Variants in ZFP3 observed in about 807,000 individuals in gnomAD.
ZFP3 encodes ZFP3 zinc finger protein, also known as zinc finger protein 3 homolog.
In ZFP3, 18 loss-of-function variants were observed where a neutral mutation model predicts 36.7. That is an observed-to-expected ratio of 0.49 (90% CI 0.34 to 0.73). The LOEUF is 0.73. ZFP3 is among the 30% of genes least tolerant of loss of function. ZFP3 has a pLI of 0.01. For synonymous variants in ZFP3, 218 were observed against 199.0 expected, an observed-to-expected ratio of 1.10 and a Z score of -0.81; for missense variants, 495 against 599.0, an observed-to-expected ratio of 0.83 and a Z score of 1.81.
intron 1 of ZFP3, among the ~76,000 whole-genome samples, chr17:5,090,620 A>G (rs935403736): frequency 3.3e-5 from 5 of 152,140 alleles, no homozygotes; most frequent in Admixed American, 2.0e-4. Context: ...CTTGTTACTC[A>G]TTTTGCAGTT....
rs2072150589 is a variant in ZFP3 at position 5,091,679 on chromosome 17, A to T, written c.175A>T (p.Ile59Leu). The T allele has an allele frequency of 5.6e-6, 9 of 1,614,116 alleles. No homozygotes were observed. The highest frequency in any genetic ancestry group is 1.7e-5 in the Admixed American group (1 of 60,004). The change falls in exon 2 of 2, where the codon ATA becomes TTA. Residue 59 changes from isoleucine (I) to leucine (L), a missense_variant. Transcript: ENST00000318833. Reference sequence around the variant, plus strand: ...TTCGAGAGAGTCCATGGAAGAGGTTATAGAGCAGATGTCTCCTCAGGAGAG... The same window carrying T: ...TTCGAGAGAGTCCATGGAAGAGGTTTTAGAGCAGATGTCTCCTCAGGAGAG... Reference protein sequence around the residue: ...GHSRESMEEVIEQMSPQERDF... With the variant: ...GHSRESMEEVLEQMSPQERDF...
rs1164605818 is a variant in ZFP3, at chr17:5,093,984, C to T, written c.*971C>T. ...GCTGCATATATTTTTAGCCCCATCT[C>T]CTGCCACTGCTGACAGATATTGTGA... On this transcript the variant is annotated 3_prime_UTR_variant, in exon 2 of 2. Transcript: ENST00000318833. 6.0e-6 allele frequency: 1 copy of T among 167,212 alleles called. No individual in the cohort carries two copies. Among genetic ancestry groups the T allele is most frequent in the African/African-American group, 2.4e-5 (1 of 41,482 alleles). The allele number at this position is 167,212 out of a possible 1,614,324, so 10.4% of individuals were successfully genotyped here.
chr17:5,086,852 C>T (rs1470572340), intron 1 of ZFP3, among the ~76,000 whole-genome samples: 4 of 151,434 alleles, frequency 2.6e-5, no homozygotes, highest in African/African-American at 4.9e-5. Context: ...CTCAGCTTCC[C>T]GAGTAGCTGG....
At chr17:5,085,225 T>A (rs1186229664) in intron 1 of ZFP3, among the ~76,000 whole-genome samples, 1 of 151,926 alleles carries the variant, frequency 6.6e-6, no homozygotes, top group Non-Finnish European at 1.5e-5. Context: ...GTGTTTTTTT[T>A]AGTAGAGACA....
Position 5,091,482 on chromosome 17 carries a change from C to T in ZFP3, c.-8-15C>T, listed in dbSNP as rs376458581. On this transcript the variant is annotated splice_polypyrimidine_tract_variant and intron_variant, in intron 1 of 1. Transcript: ENST00000318833. ...ATGATACGGTCCCTTCACATACTTA[C>T]CTCTCTCATTTCAGATTGTGAGATG... 2.5e-5 allele frequency: 41 copies of T among 1,608,516 alleles called. No homozygotes were observed. Among genetic ancestry groups the T allele is most frequent in the Non-Finnish European group, 3.3e-5 (39 of 1,177,248 alleles).
intron 1 of ZFP3, among the ~76,000 whole-genome samples, chr17:5,084,486 A>G (rs10852868): frequency 0.99 from 130,343 of 132,116 alleles, 64,309 homozygotes; most frequent in South Asian, 1. Flanking sequence ...CGTGTTAGCC[A>G]GGATGGTCTC....
intron 1 of ZFP3, among the ~76,000 whole-genome samples, chr17:5,081,235 A>G (rs1010880854): frequency 6.6e-6 from 1 of 151,952 alleles, no homozygotes; most frequent in Admixed American, 6.6e-5. Context: ...CTGGGACTAC[A>G]GGTGCCTTCC....
intron 1 of ZFP3, among the ~76,000 whole-genome samples, chr17:5,087,611 T>C (rs2072128257): frequency 6.6e-6 from 1 of 152,072 alleles, no homozygotes; most frequent in African/African-American, 2.4e-5. Flanking sequence ...GGGCAGGTCA[T>C]TGAAGAACCC....
chr17:5,095,017 T>C lies in ZFP3; in HGVS notation c.*2004T>C, dbSNP rs778098626. 1 of 167,158 alleles carries C rather than the reference T, an allele frequency of 6.0e-6. No individual in the cohort carries two copies. The highest frequency in any genetic ancestry group is 1.5e-5 in the Non-Finnish European group (1 of 68,132). The allele number at this position is 167,158 out of a possible 1,614,324, so 10.4% of individuals were successfully genotyped here. A position where few individuals can be genotyped will look rare whatever the true frequency, so the allele number is the denominator to read the frequency against. ...AAACCTGGTTGATGCTCTTAACCAC[T>C]GTGCTATGCCGCAGGTAGGCAGATT... On this transcript the variant is annotated 3_prime_UTR_variant, in exon 2 of 2. Transcript: ENST00000318833.
intron 1 of ZFP3, among the ~76,000 whole-genome samples, chr17:5,085,502 G>T (rs572682411): frequency 6.6e-6 from 1 of 152,102 alleles, no homozygotes; most frequent in East Asian, 1.9e-4. Flanking sequence ...CTGAGTAGCT[G>T]GGACTACAAG....
In ZFP3 at chr17:5,080,930, G is replaced by A. The variant is rs34025421; in HGVS notation, c.-9+2355G>A. Reference sequence around the variant, plus strand: ...GCTCTCCAGCTTGCTTGTTTCATGAGGTGGTGGTAAGGGTTAATGTCTGTA... The same window carrying A: ...GCTCTCCAGCTTGCTTGTTTCATGAAGTGGTGGTAAGGGTTAATGTCTGTA... On this transcript the variant is annotated intron_variant, in intron 1 of 1. Transcript: ENST00000318833. 7.0e-4 allele frequency among the ~76,000 whole-genome samples: 107 copies of A among 152,178 alleles called. 2 individuals carry two copies. The East Asian group carries it at 0.016, about 22-fold the overall frequency.
rs1386016290 is a variant in ZFP3, at chr17:5,095,834, C to T, written c.*2821C>T. ...GCTCAGCAAAACTTCCTCTAGTTCACCATTCATTCATTTGAACATTAGGAG... is the reference window on the plus strand; with the variant it reads ...GCTCAGCAAAACTTCCTCTAGTTCATCATTCATTCATTTGAACATTAGGAG... On this transcript the variant is annotated 3_prime_UTR_variant, in exon 2 of 2. Coordinates refer to ENST00000318833, the MANE Select transcript of ZFP3 (RefSeq NM_153018.3). 6.0e-6 allele frequency: 1 copy of T among 166,550 alleles called. No homozygotes were observed. The highest frequency in any genetic ancestry group is 2.4e-5 in the African/African-American group (1 of 41,222). The allele number at this position is 166,550 out of a possible 1,614,324, so 10.3% of individuals were successfully genotyped here.
chr17:5,086,700 A>G (rs1168074966), intron 1 of ZFP3, among the ~76,000 whole-genome samples: 1 of 108,842 alleles, frequency 9.2e-6, no homozygotes, highest in Non-Finnish European at 1.9e-5. Context: ...GTGACTATCT[A>G]TTGTCTCAGT....
At chr17:5,087,052 T>C (rs1016580288) in intron 1 of ZFP3, among the ~76,000 whole-genome samples, 2 of 149,910 alleles carry the variant, frequency 1.3e-5, no homozygotes, top group Non-Finnish European at 3.0e-5. Flanking sequence ...CTAATTCTTA[T>C]CCTAGCGAAT....
rs775352061 is a variant in ZFP3, at chr17:5,092,226, T to C, written c.722T>C (p.Ile241Thr). 6 of 1,614,106 alleles carry C rather than the reference T, an allele frequency of 3.7e-6. No individual in the cohort carries two copies. Among genetic ancestry groups the C allele is most frequent in the Non-Finnish European group, 5.1e-6 (6 of 1,180,024 alleles). The change falls in exon 2 of 2, where the codon ATT becomes ACT. Residue 241 changes from isoleucine to threonine, a missense_variant. Coordinates refer to ENST00000318833, the MANE Select transcript of ZFP3 (RefSeq NM_153018.3). This position sits in a 1 kb window ranked among gnomAD's most constrained non-coding sequence, Gnocchi z 5.0. ...GCCTTCAGTCAAAATTCAGCCCTTA[T>C]TCTACACCAGAGAATCCATACTGGA... ...GKAFSQNSAL[I>T]LHQRIHTGEK...
At chr17:5,087,077 A>ATTTTTT (rs35379036) in intron 1 of ZFP3, among the ~76,000 whole-genome samples, 13 of 101,558 alleles carry the variant, frequency 1.3e-4, no homozygotes, top group South Asian at 3.2e-4. Context: ...ACTGCATTTG[A>ATTTTTT]TTTTTTTTTT....
chr17:5,082,891 A>G (rs1424414039), intron 1 of ZFP3, among the ~76,000 whole-genome samples: 2 of 152,200 alleles, frequency 1.3e-5, no homozygotes, highest in East Asian at 1.9e-4. Flanking sequence ...GTTTTACTAC[A>G]AATCACTGTG....
In ZFP3 at chr17:5,093,143, A is replaced by T; in HGVS notation, c.*130A>T. On this transcript the variant is annotated 3_prime_UTR_variant, in exon 2 of 2. Transcript: ENST00000318833. ...CAGAACCTCCTCTGTCCTCCCACTG[A>T]TTTTAAATAGTTGGTTGAAGAAGAT... 1 of 953,150 alleles carries T rather than the reference A, an allele frequency of 1.0e-6. No homozygotes were observed. Among genetic ancestry groups the T allele is most frequent in the Non-Finnish European group, 1.5e-6 (1 of 676,860 alleles). 59.0% of individuals were successfully genotyped at this position (953,150 alleles called of 1,614,324 possible).
intron 1 of ZFP3, among the ~76,000 whole-genome samples, chr17:5,090,292 T>C (rs1470258497): frequency 6.6e-6 from 1 of 152,230 alleles, no homozygotes; most frequent in Non-Finnish European, 1.5e-5. Flanking sequence ...CTGTTTGATA[T>C]TAGAGAAGAC....
Sources: allele counts gnomAD v4.1 joint callset (sites outside exome capture counted in the v4.1 genomes callset), GRCh38; gene constraint gnomAD v4.1.1; non-coding constraint Gnocchi (gnomAD v3.1); transcripts MANE v1.5; gene names NCBI Gene and HGNC (gene_info 2026-07-23, HGNC 2026-07-21).